Variants in CYP20A1 observed in about 807,000 individuals in gnomAD.
The protein encoded by CYP20A1 is cytochrome P450 family 20 subfamily A member 1, also known as cytochrome P450 20A1.
Under a neutral mutation model 61.4 loss-of-function variants are expected in CYP20A1, and 61 were observed. That is an observed-to-expected ratio of 0.99 (90% CI 0.81 to 1.23). The LOEUF (loss-of-function observed/expected upper bound fraction) is 1.23. Among genes scored for constraint, CYP20A1 ranks in the 50% most tolerant of loss-of-function variants. The probability of loss-of-function intolerance (pLI) is 0.00; values close to 1 mark genes in which losing one functional copy is unlikely to be tolerated. For missense variants in CYP20A1, 530 were observed against 542.4 expected, an observed-to-expected ratio of 0.98 and a Z score of 0.23; for synonymous variants, 193 against 188.2, an observed-to-expected ratio of 1.03 and a Z score of -0.21.
chr2:203,275,855 T>A (rs1472956573), intron 6 of CYP20A1, among the ~76,000 whole-genome samples: 2 of 152,244 alleles, frequency 1.3e-5, no homozygotes, highest in African/African-American at 2.4e-5. Context: ...AAACAAAATT[T>A]CTTGCCCTTG....
At chr2:203,279,670 C>T (rs2152093875) in intron 7 of CYP20A1, among the ~76,000 whole-genome samples, 1 of 152,268 alleles carries the variant, frequency 6.6e-6, no homozygotes, top group Non-Finnish European at 1.5e-5. Flanking sequence ...TGTCCTATTT[C>T]TGAGGCTTCA....
At chr2:203,271,237 G>A (rs1011562002) in intron 5 of CYP20A1, among the ~76,000 whole-genome samples, 6 of 148,716 alleles carry the variant, frequency 4.0e-5, no homozygotes, top group Non-Finnish European at 8.9e-5. Context: ...ACAGGTGCCC[G>A]CCACCACGCC....
Position 203,290,488 on chromosome 2 carries a change from T to C in CYP20A1, c.1083+612T>C, listed in dbSNP as rs534025388. On this transcript the variant is annotated intron_variant, in intron 10 of 12. Transcript: ENST00000356079. ...ACACATATACATATGTATTAAACAA[T>C]TTATATGTGAAAAGTTACTCTTTCT... Among the ~76,000 whole-genome samples, 5 of 152,298 alleles carry C rather than the reference T, an allele frequency of 3.3e-5. No individual in the cohort carries two copies. In the South Asian group the frequency reaches 1.0e-3, roughly 32 times the overall value.
In CYP20A1 at chr2:203,292,245, A is replaced by AT. The variant is rs560963656; in HGVS notation, c.1084-6dup. 0.014 allele frequency: 17,402 copies of AT among 1,222,624 alleles called. 5 individuals are homozygous for AT. Among genetic ancestry groups the AT allele is most frequent in the African/African-American group, 0.02 (1,278 of 64,820 alleles). The allele number at this position is 1,222,624 out of a possible 1,614,324, so 75.7% of individuals were successfully genotyped here. On this transcript the variant is annotated splice_polypyrimidine_tract_variant and intron_variant, in intron 10 of 12. Coordinates refer to ENST00000356079, the MANE Select transcript of CYP20A1 (RefSeq NM_177538.3). ...TCTCTGTTAGTCCTTGACTAATTGG[A>AT]TTTTTTTTTTTCACAGACCCTCGTC...
Position 203,285,596 on chromosome 2 carries a change from A to C in CYP20A1, c.851-16A>C, listed in dbSNP as rs760179457. ...GTTAGCTATTTTCATTGTTATTCAT[A>C]TAATGTTTGACCTAGTGTGTACCTG... is the stretch of plus-strand genomic sequence containing the variant. On this transcript the variant is annotated splice_polypyrimidine_tract_variant and intron_variant, in intron 8 of 12. Transcript: ENST00000356079. The C allele has an allele frequency of 6.5e-7, 1 of 1,546,772 alleles. No homozygotes were observed. Among genetic ancestry groups the C allele is most frequent in the African/African-American group, 1.4e-5 (1 of 71,760 alleles).
chr2:203,266,498 T>G lies in CYP20A1; in HGVS notation c.433-16T>G. The G allele has an allele frequency of 6.2e-7, 1 of 1,610,386 alleles. No homozygotes were observed. The highest frequency in any genetic ancestry group is 1.3e-5 in the African/African-American group (1 of 74,952). On this transcript the variant is annotated splice_polypyrimidine_tract_variant and intron_variant, in intron 4 of 12. Coordinates refer to ENST00000356079, the MANE Select transcript of CYP20A1 (RefSeq NM_177538.3). The stretch of plus-strand genomic sequence containing the variant: ...AGAAGAAACAGTAATCATTGTGCTT[T>G]TCTGTTCTCTTTCAGCTTTCAGAAG...
rs191968994 is a variant in CYP20A1 at position 203,297,561 on chromosome 2, G to T, written c.*653G>T. ...CTCTACTAAAAATACAAAAAAATTG[G>T]CTGGGTGTGGTGGCCCACACCTGTA... On this transcript the variant is annotated 3_prime_UTR_variant, in exon 13 of 13. Coordinates refer to ENST00000356079, the MANE Select transcript of CYP20A1 (RefSeq NM_177538.3). 6.6e-6 allele frequency: 1 copy of T among 150,560 alleles called. No individual in the cohort carries two copies. Among genetic ancestry groups the T allele is most frequent in the Admixed American group, 6.7e-5 (1 of 14,996 alleles). 9.3% of individuals were successfully genotyped at this position (150,560 alleles called of 1,614,324 possible).
In CYP20A1 at chr2:203,278,610, A is replaced by G. The variant is rs759961610; in HGVS notation, c.717A>G (p.Ile239Met). 10 of 1,606,300 alleles carry G rather than the reference A, an allele frequency of 6.2e-6. No homozygotes were observed. The East Asian group carries it at 8.9e-5, about 14-fold the overall frequency. Residue 239 changes from isoleucine (I) to methionine (M), a missense_variant, in exon 7 of 13, where the codon ATA (isoleucine) becomes ATG (methionine). Ile to Met is a conservative substitution (Grantham distance 10). Coordinates refer to ENST00000356079, the MANE Select transcript of CYP20A1 (RefSeq NM_177538.3). ...MQLESVLRNI[I>M]KERKGRNFSQ... is the part of the protein sequence containing the mutation. ...TGGAGTCTGTTTTAAGGAACATCAT[A>G]AAAGAACGAAAAGGAAGGAACTTCA...
intron 11 of CYP20A1, among the ~76,000 whole-genome samples, chr2:203,293,214 C>T (rs1244711980): frequency 3.9e-5 from 5 of 128,902 alleles, no homozygotes; most frequent in Non-Finnish European, 4.8e-5. Context: ...GAATTTCTCT[C>T]TCTTTTTTTT....
chr2:203,289,522 A>G (rs1003726540), intron 9 of CYP20A1, among the ~76,000 whole-genome samples: 3 of 151,882 alleles, frequency 2.0e-5, no homozygotes, highest in South Asian at 2.1e-4. Context: ...ATCTTTATCT[A>G]CCTAGAGTTA....
intron 6 of CYP20A1, among the ~76,000 whole-genome samples, chr2:203,274,173 CT>C (rs79425344): frequency 0.27 from 39,917 of 150,100 alleles, 5,794 homozygotes; most frequent in East Asian, 0.52. Context: ...AGCTTTAATA[CT>C]TTTTTTTAAA....
At chr2:203,269,358 G>GGGGAGGATCACTTGAGCCC (rs1270839724) in intron 5 of CYP20A1, among the ~76,000 whole-genome samples, 7 of 150,894 alleles carry the variant, frequency 4.6e-5, no homozygotes, top group Admixed American at 3.3e-4. Flanking sequence ...AGGAGACTGA[G>GGGGAGGATCACTTGAGCCC]GGGAGGATCA....
At position 203,285,966 on chromosome 2, in the gene CYP20A1, A is replaced by C. The variant is rs1266198526; in HGVS notation, c.971+234A>C. On this transcript the variant is annotated intron_variant, in intron 9 of 12. Transcript: ENST00000356079. ...ATGAAGTCAAGCAAGTATGACACTC[A>C]TACTTTGTTGATGGTCATAAAAAAT... 2.6e-5 allele frequency among the ~76,000 whole-genome samples: 4 copies of C among 152,214 alleles called. No homozygotes were observed. The East Asian group carries it at 7.7e-4, about 29-fold the overall frequency.
At chr2:203,252,813 T>C (rs2066742680) in intron 4 of CYP20A1, among the ~76,000 whole-genome samples, 1 of 152,152 alleles carries the variant, frequency 6.6e-6, no homozygotes, top group Non-Finnish European at 1.5e-5. Flanking sequence ...CAGTCCACGC[T>C]AAGAGATCTG....
chr2:203,265,880 A>G (rs1049719533), intron 4 of CYP20A1, among the ~76,000 whole-genome samples: 1 of 152,022 alleles, frequency 6.6e-6, no homozygotes, highest in African/African-American at 2.4e-5. Flanking sequence ...TAGTAGAGAT[A>G]GGGCTTTACC....
chr2:203,253,426 G>A (rs1035015577), intron 4 of CYP20A1, among the ~76,000 whole-genome samples: 5 of 152,132 alleles, frequency 3.3e-5, no homozygotes, highest in African/African-American at 1.2e-4. Context: ...CTGCCATCTC[G>A]GGTCCTTTCA....
intron 10 of CYP20A1, among the ~76,000 whole-genome samples, chr2:203,291,516 T>TCC (rs1254961527): frequency 6.6e-6 from 1 of 152,216 alleles, no homozygotes; most frequent in Non-Finnish European, 1.5e-5. Flanking sequence ...ATACATATAT[T>TCC]AACAGTTTGT....
rs113081912 is a variant in CYP20A1 at position 203,275,433 on chromosome 2, C to CT, written c.679+2694dup. 5.6e-4 allele frequency among the ~76,000 whole-genome samples: 85 copies of CT among 150,700 alleles called. 1 individual carries two copies. Among genetic ancestry groups the CT allele is most frequent in the Middle Eastern group, 3.4e-3 (1 of 294 alleles). On this transcript the variant is annotated intron_variant, in intron 6 of 12. Transcript: ENST00000356079. ...TGTTAATAATTTCTTATTTTCTTTT[C>CT]TTTTTTTTTGTTTTTTTTTGAGACT...
chr2:203,283,124 T>C (rs56324250), intron 8 of CYP20A1, among the ~76,000 whole-genome samples: 134,648 of 150,524 alleles, frequency 0.89, 61,054 homozygotes, highest in Non-Finnish European at 0.96. Context: ...TCAAGTGAGC[T>C]GTGATCACTA....
Sources: allele counts gnomAD v4.1 joint callset (sites outside exome capture counted in the v4.1 genomes callset), GRCh38; gene constraint gnomAD v4.1.1; transcripts MANE v1.5; gene names NCBI Gene and HGNC (gene_info 2026-07-23, HGNC 2026-07-21).